Variants in ZNF487 observed in about 807,000 individuals in gnomAD.
ZNF487 encodes the protein zinc finger protein 487, also known as KRAB domain only 1.
ZNF487 carries 4 observed loss-of-function variants against 3.0 expected under a neutral mutation model. The ratio of observed to expected loss-of-function variants is 1.35; its 90% CI spans 0.66 to 3.08. The LOEUF is 3.08. Ranked by LOEUF, ZNF487 falls within the 30% of genes most tolerant of loss-of-function variation. The pLI, the probability that ZNF487 is intolerant of heterozygous loss-of-function variation, is 0.01. For synonymous variants in ZNF487, 55 were observed against 34.6 expected, an observed-to-expected ratio of 1.59 and a Z score of -2.06; for missense variants, 146 against 98.7, an observed-to-expected ratio of 1.48 and a Z score of -2.03.
chr10:43,448,908 A>C (rs1477228414), intron 1 of ZNF487, among the ~76,000 whole-genome samples: 2 of 151,338 alleles, frequency 1.3e-5, no homozygotes, highest in African/African-American at 2.4e-5. Flanking sequence ...AAGCAGGAGG[A>C]TCACTTGAGC....
chr10:43,457,363 C>G (rs1184539003), intron 1 of ZNF487, among the ~76,000 whole-genome samples: 1 of 150,592 alleles, frequency 6.6e-6, no homozygotes, highest in Non-Finnish European at 1.5e-5. Context: ...CGAGACCAGC[C>G]TGGCCAACAT....
the ZNF487 span, among the ~76,000 whole-genome samples, chr10:43,511,176 C>T: frequency 6.6e-6 from 1 of 152,182 alleles, no homozygotes; most frequent in Non-Finnish European, 1.5e-5. Context: ...AACTTTGCCC[C>T]AGCCTTGCAA....
the ZNF487 span, chr10:43,496,152 G>A: frequency 1.4e-5 from 7 of 516,842 alleles, no homozygotes; most frequent in East Asian, 2.8e-4. Context: ...GGTAAGGATT[G>A]CGTTTTATAT....
chr10:43,446,256 A>G (rs2492404), intron 1 of ZNF487, among the ~76,000 whole-genome samples: 104,529 of 149,026 alleles, frequency 0.7, 37,787 homozygotes, highest in Non-Finnish European at 0.81. Context: ...CGTGGCGGCC[A>G]GGCAGAGGCG....
intron 3 of ZNF487, among the ~76,000 whole-genome samples, chr10:43,480,039 CTTTCTT>C (rs1841285892): frequency 3.9e-5 from 3 of 77,542 alleles, no homozygotes; most frequent in Admixed American, 1.5e-4. Context: ...TTCTTTCTTT[CTTTCTT>C]TTTCTTTCTT....
At chr10:43,445,353 A>G (rs541935235) in intron 1 of ZNF487, among the ~76,000 whole-genome samples, 76 of 152,162 alleles carry the variant, frequency 5.0e-4, no homozygotes, top group African/African-American at 1.8e-3. Flanking sequence ...ATTGTAGGTC[A>G]TGTTTTCTTG....
At chr10:43,477,527 T>G (rs918842147) in intron 3 of ZNF487, among the ~76,000 whole-genome samples, 2 of 151,914 alleles carry the variant, frequency 1.3e-5, no homozygotes, top group African/African-American at 4.8e-5. Flanking sequence ...GACGAAATAA[T>G]GTTGCATTAA....
chr10:43,475,909 A>G (rs1841082849), intron 2 of ZNF487, 62 bp downstream of exon 2: 4 of 678,156 alleles, frequency 5.9e-6, no homozygotes, highest in Non-Finnish European at 1.1e-5. Context: ...TGCTGATTAC[A>G]GATGGTTTCT....
intron 1 of ZNF487, among the ~76,000 whole-genome samples, chr10:43,466,742 T>G (rs1256398711): frequency 1.3e-5 from 2 of 152,178 alleles, no homozygotes; most frequent in African/African-American, 4.8e-5. Context: ...GTCCTAATGT[T>G]CAGAAAAAAT....
At chr10:43,438,615 C>T (rs1839468007) in intron 1 of ZNF487, among the ~76,000 whole-genome samples, 2 of 152,168 alleles carry the variant, frequency 1.3e-5, no homozygotes, top group South Asian at 4.1e-4. Flanking sequence ...TCCAGCAGTA[C>T]CACTTCTGGG....
chr10:43,485,849 G>A (rs1407283163), downstream of ZNF487, among the ~76,000 whole-genome samples: 1 of 152,186 alleles, frequency 6.6e-6, no homozygotes, highest in African/African-American at 2.4e-5. Flanking sequence ...TCTGGAGGAA[G>A]AAATCAAGTG....
the ZNF487 span, among the ~76,000 whole-genome samples, chr10:43,521,980 A>G: frequency 1.3e-5 from 2 of 152,138 alleles, no homozygotes; most frequent in African/African-American, 4.8e-5. Flanking sequence ...GGGAAATTTT[A>G]TGATTTGATG....
intron 1 of ZNF487, among the ~76,000 whole-genome samples, chr10:43,456,351 G>A (rs944776949): frequency 4.0e-4 from 61 of 152,188 alleles, no homozygotes; most frequent in African/African-American, 1.4e-3. Context: ...CACAGCAGCG[G>A]AAGACGAGGC....
chr10:43,491,962 C>A, the ZNF487 span, among the ~76,000 whole-genome samples: 149 of 151,736 alleles, frequency 9.8e-4, 1 homozygote, highest in East Asian at 0.024. Context: ...AGGTCTTTGG[C>A]CTCACTCTGT....
At chr10:43,466,739 T>C (rs1233411593) in intron 1 of ZNF487, among the ~76,000 whole-genome samples, 2 of 152,180 alleles carry the variant, frequency 1.3e-5, no homozygotes, top group African/African-American at 4.8e-5. Flanking sequence ...TGAGTCCTAA[T>C]GTTCAGAAAA....
the ZNF487 span, among the ~76,000 whole-genome samples, chr10:43,490,180 T>C: frequency 6.6e-6 from 1 of 151,958 alleles, no homozygotes; most frequent in Non-Finnish European, 1.5e-5. Flanking sequence ...TGAAACCCCA[T>C]CTCTACTAAA....
chr10:43,479,982 TCC>T (rs1491394379), intron 3 of ZNF487, among the ~76,000 whole-genome samples: 1 of 33,458 alleles, frequency 3.0e-5, no homozygotes, highest in Admixed American at 3.0e-4. Flanking sequence ...TTTCTTTCTT[TCC>T]TTCTTTCTTT....
the ZNF487 span, among the ~76,000 whole-genome samples, chr10:43,497,734 G>A: frequency 3.2e-4 from 49 of 152,076 alleles, no homozygotes; most frequent in Middle Eastern, 3.4e-3. Flanking sequence ...TTGGGAGGCC[G>A]AGGCGGGAAG....
the ZNF487 span, among the ~76,000 whole-genome samples, chr10:43,514,742 G>C: frequency 5.9e-5 from 9 of 152,310 alleles, no homozygotes; most frequent in South Asian, 1.5e-3. Flanking sequence ...AGTGTCTGCA[G>C]TTCCCACTGT....
Sources: gnomAD v4.1 joint callset for allele counts (sites outside exome capture counted in the v4.1 genomes callset) on GRCh38, gnomAD v4.1.1 for gene constraint, MANE v1.5 for transcripts, NCBI Gene and HGNC (gene_info 2026-07-23, HGNC 2026-07-21) for gene names.